The following LPIN2 variants were observed in gnomAD, a reference collection of about 807,000 sequenced individuals.
The protein encoded by LPIN2 is lipin 2.
A neutral mutation model predicts 111.4 loss-of-function variants in LPIN2; 55 were observed. That is an observed-to-expected ratio of 0.49 (90% CI 0.40 to 0.62). LPIN2 has a LOEUF of 0.62. Ranked by LOEUF, LPIN2 falls within the 20% of genes least tolerant of loss-of-function variation. LPIN2 has a pLI of 0.00. For synonymous variants in LPIN2, 425 were observed against 414.0 expected (o/e 1.03, Z -0.32); for missense variants, 992 against 1,112.1 (o/e 0.89, Z 1.54).
At chr18:2,973,225 C>T (rs1373621231) in intron 1 of LPIN2, among the ~76,000 whole-genome samples, 1 of 152,094 alleles carries the variant, frequency 6.6e-6, no homozygotes, top group East Asian at 1.9e-4. Context: ...ACTTTACAGG[C>T]AGGAAAATTA....
intron 4 of LPIN2, chr18:2,948,126 A>G (rs765453431): frequency 3.9e-5 from 6 of 152,234 alleles, no homozygotes; most frequent in Non-Finnish European, 7.3e-5. Context: ...TCTGTTGGCT[A>G]TATTATTTAA....
At chr18:2,946,914 C>T in intron 4 of LPIN2, 1 of 271,008 alleles carries the variant, frequency 3.7e-6, no homozygotes, top group Non-Finnish European at 7.2e-6. Context: ...TGGAGCCCTG[C>T]AATACTTCTC....
intron 1 of LPIN2, among the ~76,000 whole-genome samples, chr18:2,981,437 T>TAA (rs2078109082): frequency 1.3e-5 from 2 of 152,206 alleles, no homozygotes; most frequent in African/African-American, 4.8e-5. Flanking sequence ...AAATGCAGCC[T>TAA]AAGCAAACAC....
intron 9 of LPIN2, among the ~76,000 whole-genome samples, chr18:2,930,990 G>C (rs1247744104): frequency 6.6e-6 from 1 of 152,164 alleles, no homozygotes; most frequent in Non-Finnish European, 1.5e-5. Context: ...TGGCAGCTCA[G>C]AAAACAGGGC....
At chr18:2,997,242 A>G (rs2143454180) in intron 1 of LPIN2, among the ~76,000 whole-genome samples, 1 of 152,258 alleles carries the variant, frequency 6.6e-6, no homozygotes, top group Middle Eastern at 3.4e-3. Context: ...TTGGTGTCCC[A>G]AAGTACTGGG....
intron 2 of LPIN2, among the ~76,000 whole-genome samples, chr18:2,957,207 T>C (rs1385541202): frequency 6.6e-6 from 1 of 152,194 alleles, no homozygotes; most frequent in Non-Finnish European, 1.5e-5. Context: ...ACTCTTTGGG[T>C]AAGAATATCT....
chr18:2,965,559 T>C (rs1190857192), intron 1 of LPIN2, among the ~76,000 whole-genome samples: 1 of 151,948 alleles, frequency 6.6e-6, no homozygotes, highest in African/African-American at 2.4e-5. Flanking sequence ...TGAAACCCCA[T>C]CTCTACTAAA....
intron 1 of LPIN2, among the ~76,000 whole-genome samples, chr18:2,990,045 T>G (rs1186324672): frequency 2.6e-5 from 4 of 152,190 alleles, no homozygotes; most frequent in Non-Finnish European, 4.4e-5. Flanking sequence ...AATTGATATT[T>G]GACAAGAGTA....
intron 1 of LPIN2, among the ~76,000 whole-genome samples, chr18:2,990,072 G>GTACTATTC (rs1470822568): frequency 6.6e-6 from 1 of 152,132 alleles, no homozygotes; most frequent in Non-Finnish European, 1.5e-5. Flanking sequence ...CCACTGCATG[G>GTACTATTC]CGGAAGGAAT....
intron 15 of LPIN2, 100 bp downstream of exon 15, chr18:2,924,298 G>C (rs2077099177): frequency 1.4e-6 from 2 of 1,479,796 alleles, no homozygotes; most frequent in Admixed American, 3.4e-5. Context: ...CCTTGGCTGA[G>C]GGCTTCGAGC....
chr18:2,987,911 C>T (rs1318383163), intron 1 of LPIN2, among the ~76,000 whole-genome samples: 3 of 150,140 alleles, frequency 2.0e-5, no homozygotes, highest in Non-Finnish European at 4.4e-5. Flanking sequence ...TGGTGGCTCA[C>T]GCCTGTAATC....
intron 8 of LPIN2, among the ~76,000 whole-genome samples, chr18:2,932,210 C>T (rs2077220892): frequency 6.6e-6 from 1 of 152,164 alleles, no homozygotes; most frequent in South Asian, 2.1e-4. Context: ...GTCCCCAATG[C>T]TTACTACTCT....
chr18:2,931,620 T>C (rs983268619), intron 8 of LPIN2, among the ~76,000 whole-genome samples, 177 bp from the exon 9 acceptor site: 1 of 152,136 alleles, frequency 6.6e-6, no homozygotes, highest in African/African-American at 2.4e-5. Flanking sequence ...ATAAATGACA[T>C]GAAAGATAAC....
intron 19 of LPIN2, 98 bp downstream of exon 19, chr18:2,920,680 C>A (rs765319800): frequency 5.3e-5 from 50 of 938,476 alleles, no homozygotes; most frequent in Non-Finnish European, 8.3e-5. Flanking sequence ...TGATCAGGGC[C>A]TGATCTCAAG....
chr18:2,996,671 G>T (rs1002392485), intron 1 of LPIN2, among the ~76,000 whole-genome samples: 2 of 151,526 alleles, frequency 1.3e-5, no homozygotes, highest in African/African-American at 4.8e-5. Context: ...TAGAGACGGG[G>T]TTTCACCGTG....
Position 2,955,329 on chromosome 18 carries a change from G to A in LPIN2, c.193-730C>T, listed in dbSNP as rs565417122. Among the ~76,000 whole-genome samples the A allele has an allele frequency of 2.2e-4, 33 of 152,210 alleles. 1 individual carries two copies. The South Asian group carries it at 3.5e-3, about 16-fold the overall frequency. On this transcript the variant is annotated intron_variant, in intron 2 of 19. Transcript: ENST00000677752. ...GAGGACTCAGGAAACCTTTACTCAC[G>A]GTGAAAGGCGAAGTGGGGGCAGACA... is the stretch of plus-strand genomic sequence containing the variant.
At chr18:2,993,557 C>T (rs1343434833) in intron 1 of LPIN2, among the ~76,000 whole-genome samples, 1 of 152,096 alleles carries the variant, frequency 6.6e-6, no homozygotes, top group African/African-American at 2.4e-5. Flanking sequence ...GTATTTCCCA[C>T]AACTTAGTTT....
rs148037343 is a variant in LPIN2, at chr18:2,990,736, A to G, written c.-10+22351T>C. Reference sequence around the variant, plus strand: ...TGGTAGGAAACAGAGACAGAATGTCAAAGATTACTATTAGAAATGGATGGA... The same window carrying G: ...TGGTAGGAAACAGAGACAGAATGTCGAAGATTACTATTAGAAATGGATGGA... On this transcript the variant is annotated intron_variant, in intron 1 of 19. Coordinates refer to ENST00000677752, the MANE Select transcript of LPIN2 (RefSeq NM_001375808.2). The G allele has an allele frequency of 7.5e-4, 251 of 333,386 alleles. 1 individual carries two copies. The highest frequency in any genetic ancestry group is 1.1e-3 in the Middle Eastern group (1 of 892). 20.7% of individuals were successfully genotyped at this position (333,386 alleles called of 1,614,324 possible). A position where few individuals can be genotyped will look rare whatever the true frequency, so the allele number is the denominator to read the frequency against.
chr18:3,004,803 C>A (rs56296514), intron 1 of LPIN2, among the ~76,000 whole-genome samples: 13,065 of 152,122 alleles, frequency 0.086, 1,379 homozygotes, highest in African/African-American at 0.26. Flanking sequence ...TTAGACATTC[C>A]ATCCAGTCTC....
Sources: gnomAD v4.1 joint callset for allele counts (sites outside exome capture counted in the v4.1 genomes callset) on GRCh38, gnomAD v4.1.1 for gene constraint, MANE v1.5 for transcripts, NCBI Gene and HGNC (gene_info 2026-07-23, HGNC 2026-07-21) for gene names.